Variants in USH1C observed in about 807,000 individuals in gnomAD.
USH1C encodes the protein harmonin.
USH1C carries 90 observed loss-of-function variants against 119.3 expected under a neutral mutation model. That is an observed-to-expected ratio of 0.75 (90% confidence interval 0.64 to 0.90). The LOEUF (loss-of-function observed/expected upper bound fraction) is 0.90, where lower values mean the gene tolerates loss of function less well. Ranked by LOEUF, USH1C falls within the 40% of genes least tolerant of loss-of-function variation. The pLI is 0.00. For missense variants in USH1C, 1,165 were observed against 1,167.7 expected (o/e 1.00, Z 0.03); for synonymous variants, 465 against 443.3 (o/e 1.05, Z -0.62).
At chr11:17,500,790 GC>G (rs1421928845) in intron 23 of USH1C, among the ~76,000 whole-genome samples, 1 of 152,104 alleles carries the variant, frequency 6.6e-6, no homozygotes, top group African/African-American at 2.4e-5. Context: ...TCAGTATCTG[GC>G]AATTCTGAGT....
intron 14 of USH1C, among the ~76,000 whole-genome samples, chr11:17,519,794 G>A (rs1244324581): frequency 6.6e-6 from 1 of 152,208 alleles, no homozygotes; most frequent in Admixed American, 6.5e-5. Context: ...CTGCACCAGG[G>A]AGGGGTGAAA....
intron 7 of USH1C, 32 bp from the exon 8 acceptor site, chr11:17,526,473 T>C (rs1279714986): frequency 4.4e-6 from 7 of 1,591,952 alleles, no homozygotes; most frequent in Non-Finnish European, 6.0e-6. Context: ...AATCACGGAG[T>C]GTCCACATGC....
chr11:17,495,296 A>C (rs1849205937), intron 26 of USH1C, among the ~76,000 whole-genome samples: 1 of 151,906 alleles, frequency 6.6e-6, no homozygotes, highest in Admixed American at 6.6e-5. Context: ...GCTGCTTGGG[A>C]CCCAAAGCAG....
intron 13 of USH1C, 49 bp from the exon 14 acceptor site, chr11:17,521,043 C>A: frequency 6.2e-7 from 1 of 1,611,410 alleles, no homozygotes; most frequent in African/African-American, 1.3e-5. Context: ...CCCCCATAGG[C>A]CCATCTCCTG....
chr11:17,536,654 C>T (rs2133942788), intron 1 of USH1C, among the ~76,000 whole-genome samples: 1 of 152,326 alleles, frequency 6.6e-6, no homozygotes, highest in East Asian at 1.9e-4. Context: ...CCCACTGTCA[C>T]CGGTTAGGTC....
chr11:17,536,801 T>C (rs946416207), intron 1 of USH1C, among the ~76,000 whole-genome samples: 1 of 152,268 alleles, frequency 6.6e-6, no homozygotes, highest in Non-Finnish European at 1.5e-5. Context: ...TCTACCGCCA[T>C]GTCTGACTTG....
At chr11:17,539,606 C>T (rs759023641) in intron 1 of USH1C, among the ~76,000 whole-genome samples, 23 of 152,226 alleles carry the variant, frequency 1.5e-4, no homozygotes, top group African/African-American at 5.1e-4. Flanking sequence ...CAGTGGGCAG[C>T]GAGTGGCCCT....
chr11:17,516,889 C>T (rs1367413303), intron 14 of USH1C, among the ~76,000 whole-genome samples: 2 of 152,144 alleles, frequency 1.3e-5, no homozygotes, highest in Non-Finnish European at 2.9e-5. Context: ...AAAACAGATC[C>T]TCATCCAGGC....
intron 16 of USH1C, 45 bp downstream of exon 16, chr11:17,511,857 T>C (rs1011975984): frequency 6.3e-7 from 1 of 1,591,794 alleles, no homozygotes; most frequent in African/African-American, 1.4e-5. Context: ...AACGACCACA[T>C]TGTGTCCCAG....
chr11:17,498,359 C>A, intron 23 of USH1C, 88 bp from the exon 24 acceptor site: 1 of 1,222,836 alleles, frequency 8.2e-7, no homozygotes, highest in Middle Eastern at 1.9e-4. Context: ...CATTGCCAGA[C>A]AGCAGAAGAG....
chr11:17,543,460 G>A (rs1325766369), intron 1 of USH1C, among the ~76,000 whole-genome samples: 1 of 151,848 alleles, frequency 6.6e-6, no homozygotes, highest in Non-Finnish European at 1.5e-5. Flanking sequence ...GGCATCCTAA[G>A]ACTTGGTGGG....
In USH1C at chr11:17,507,236, A is replaced by C. The variant is rs142655143; in HGVS notation, c.2014-1287T>G. On this transcript the variant is annotated intron_variant, in intron 18 of 26. Transcript: ENST00000005226. ...GTGGTACAAGGGTGAGAGGTGGGCC[A>C]AATGAAGCCAACCAAGCAACAGCCC... is the stretch of plus-strand genomic sequence containing the variant. Among the ~76,000 whole-genome samples the C allele has an allele frequency of 3.3e-4, 50 of 152,346 alleles. 1 individual carries two copies. Among genetic ancestry groups the C allele is most frequent in the Middle Eastern group, 3.4e-3 (1 of 294 alleles).
chr11:17,501,963 C>A lies in USH1C; in HGVS notation c.2202G>T (p.Glu734Asp). Reference sequence around the variant, plus strand: ...CCATAGAGTAGGGGTCAAAGCCTTCCTCATATTTCCGGAAATCCTGGAAGC... The same window carrying A: ...CCATAGAGTAGGGGTCAAAGCCTTCATCATATTTCCGGAAATCCTGGAAGC... Reference protein sequence around the residue: ...TAFRQDFRKYEEGFDPYSMFT... With the variant: ...TAFRQDFRKYDEGFDPYSMFT... Residue 734 changes from glutamate (E) to aspartate (D), a missense_variant, in exon 21 of 27, where the codon GAG (glutamate) becomes GAT (aspartate). Transcript: ENST00000005226. 1 of 1,613,790 alleles carries A rather than the reference C, an allele frequency of 6.2e-7. No individual in the cohort carries two copies. The highest frequency in any genetic ancestry group is 2.2e-5 in the East Asian group (1 of 44,882).
chr11:17,508,002 A>G (rs1849716094), intron 18 of USH1C, among the ~76,000 whole-genome samples: 1 of 152,186 alleles, frequency 6.6e-6, no homozygotes, highest in African/African-American at 2.4e-5. Context: ...AAGCACAGGC[A>G]TGTCAATCTC....
At chr11:17,495,785 G>T in intron 25 of USH1C, 108 bp from the exon 26 acceptor site, 1 of 1,219,408 alleles carries the variant, frequency 8.2e-7, no homozygotes, top group Non-Finnish European at 1.2e-6. Flanking sequence ...GTTCTGCCTA[G>T]CCCCTGGGTT....
chr11:17,543,622 C>A (rs1413436187), intron 1 of USH1C, among the ~76,000 whole-genome samples: 1 of 152,176 alleles, frequency 6.6e-6, no homozygotes, highest in African/African-American at 2.4e-5. Flanking sequence ...AGTGAGGCCC[C>A]TCACTGGGAC....
chr11:17,510,602 C>T lies in USH1C; in HGVS notation c.1414-81G>A. ...TGTGGATAGAAATAGCATGAAAGCA[C>T]TCCTTTAGAAACTCCAGAGTACTGT... On this transcript the variant is annotated intron_variant, in intron 16 of 26. Coordinates refer to ENST00000005226, the MANE Select transcript of USH1C (RefSeq NM_153676.4). 7 of 1,080,654 alleles carry T rather than the reference C, an allele frequency of 6.5e-6. No homozygotes were observed. The South Asian group carries it at 8.8e-5, about 14-fold the overall frequency. The allele number at this position is 1,080,654 out of a possible 1,614,324, so 66.9% of individuals were successfully genotyped here.
intron 8 of USH1C, among the ~76,000 whole-genome samples, chr11:17,525,725 A>G (rs1478341764): frequency 6.6e-6 from 1 of 152,202 alleles, no homozygotes; most frequent in African/African-American, 2.4e-5. Flanking sequence ...GTGACAAGAG[A>G]GCTGTGACAG....
At chr11:17,530,341 C>A (rs931891846) in intron 4 of USH1C, among the ~76,000 whole-genome samples, 4 of 152,206 alleles carry the variant, frequency 2.6e-5, no homozygotes, top group Non-Finnish European at 5.9e-5. Context: ...AGGAGAGGCA[C>A]CTGCGTTGCT....
Sources: allele counts gnomAD v4.1 joint callset (sites outside exome capture counted in the v4.1 genomes callset), GRCh38; gene constraint gnomAD v4.1.1; transcripts MANE v1.5; gene names NCBI Gene and HGNC (gene_info 2026-07-23, HGNC 2026-07-21).